The following KANSL1L variants were observed in gnomAD, a reference collection of about 807,000 sequenced individuals.
The protein encoded by KANSL1L is KAT8 regulatory NSL complex subunit 1-like protein.
In KANSL1L, 25 loss-of-function variants were observed where a neutral mutation model predicts 108.6. The observed-to-expected ratio is 0.23, with a 90% CI of 0.17 to 0.32. KANSL1L has a LOEUF of 0.32. Among genes scored for constraint, KANSL1L ranks in the 10% least tolerant of loss-of-function variants. KANSL1L has a pLI of 1.00. For missense variants in KANSL1L, 1,137 were observed against 1,125.7 expected (o/e 1.01, Z -0.14); for synonymous variants, 405 against 395.1 (o/e 1.03, Z -0.30).
At chr2:210,090,953 A>G (rs2094688346) in intron 5 of KANSL1L, among the ~76,000 whole-genome samples, 1 of 152,212 alleles carries the variant, frequency 6.6e-6, no homozygotes, top group Non-Finnish European at 1.5e-5. Context: ...CTCAGTGTGT[A>G]CCTCAAAATT....
At chr2:210,054,395 A>G (rs2094327089) in intron 6 of KANSL1L, among the ~76,000 whole-genome samples, 1 of 152,078 alleles carries the variant, frequency 6.6e-6, no homozygotes, top group African/African-American at 2.4e-5. Flanking sequence ...AAAAAGCCCA[A>G]AATTTTAATA....
At chr2:210,134,793 G>A (rs1193332721) in intron 2 of KANSL1L, among the ~76,000 whole-genome samples, 1 of 152,082 alleles carries the variant, frequency 6.6e-6, no homozygotes, top group East Asian at 1.9e-4. Flanking sequence ...CCTACATTTC[G>A]GAGGGAACTC....
At chr2:210,046,786 C>T (rs1372249764) in intron 6 of KANSL1L, among the ~76,000 whole-genome samples, 1 of 152,136 alleles carries the variant, frequency 6.6e-6, no homozygotes, top group East Asian at 1.9e-4. Context: ...GGCTTTGCCA[C>T]ACATAGCCTA....
chr2:210,030,944 TTAGG>T (rs2094007872), intron 9 of KANSL1L: 1 of 152,152 alleles, frequency 6.6e-6, no homozygotes. Flanking sequence ...ATTTTATATC[TTAGG>T]TAATGTATAC....
chr2:210,137,283 T>C (rs2095182268), intron 2 of KANSL1L, among the ~76,000 whole-genome samples: 1 of 152,192 alleles, frequency 6.6e-6, no homozygotes. Flanking sequence ...CAGGAGGATA[T>C]TTCTATAGGA....
intron 1 of KANSL1L, among the ~76,000 whole-genome samples, chr2:210,168,158 T>C (rs2125693349): frequency 6.6e-6 from 1 of 152,190 alleles, no homozygotes; most frequent in African/African-American, 2.4e-5. Flanking sequence ...TTAAAATTAG[T>C]AAATTAGTTG....
intron 6 of KANSL1L, among the ~76,000 whole-genome samples, chr2:210,072,682 C>T (rs1467390174): frequency 6.6e-6 from 1 of 152,000 alleles, no homozygotes; most frequent in Non-Finnish European, 1.5e-5. Context: ...ACTGATCTGA[C>T]AGGAGGCAGA....
intron 6 of KANSL1L, among the ~76,000 whole-genome samples, chr2:210,074,343 A>C (rs1198854444): frequency 6.6e-6 from 1 of 152,142 alleles, no homozygotes; most frequent in African/African-American, 2.4e-5. Flanking sequence ...ACCCTGAAAT[A>C]TACTGTCTTT....
intron 5 of KANSL1L, among the ~76,000 whole-genome samples, chr2:210,094,243 A>G (rs2094716926): frequency 6.6e-6 from 1 of 152,166 alleles, no homozygotes; most frequent in African/African-American, 2.4e-5. Context: ...TTTGAAAAAT[A>G]CTTATGAGTT....
chr2:210,127,574 G>A (rs1206827657), intron 3 of KANSL1L, among the ~76,000 whole-genome samples: 1 of 151,840 alleles, frequency 6.6e-6, no homozygotes, highest in African/African-American at 2.4e-5. Context: ...CAAGATCAGG[G>A]GATCATTTAA....
chr2:210,128,734 G>T (rs1242856754), intron 3 of KANSL1L, among the ~76,000 whole-genome samples: 1 of 152,088 alleles, frequency 6.6e-6, no homozygotes, highest in Non-Finnish European at 1.5e-5. Context: ...AAATGGTTAA[G>T]ATGTTAAGGT....
In KANSL1L at chr2:210,074,197, C is replaced by G. The variant is rs2094526833; in HGVS notation, c.1755+1355G>C. Among the ~76,000 whole-genome samples, 4 of 152,076 alleles carry G rather than the reference C, an allele frequency of 2.6e-5. No individual in the cohort carries two copies. The South Asian group carries it at 8.3e-4, about 32-fold the overall frequency. ...GCTGAGGGTAACAGAATTTGCTATT[C>G]TCCATCACTTTTTTCATCTTTGTTC... On this transcript the variant is annotated intron_variant, in intron 6 of 14. Coordinates refer to ENST00000281772, the MANE Select transcript of KANSL1L (RefSeq NM_152519.4).
intron 5 of KANSL1L, among the ~76,000 whole-genome samples, chr2:210,081,078 G>C (rs2094586028): frequency 6.6e-6 from 1 of 152,060 alleles, no homozygotes; most frequent in Admixed American, 6.6e-5. Flanking sequence ...CTGCACTCCA[G>C]CCTGGGCAAC....
At chr2:210,055,096 G>C (rs761133699) in intron 6 of KANSL1L, among the ~76,000 whole-genome samples, 9 of 152,130 alleles carry the variant, frequency 5.9e-5, no homozygotes, top group Non-Finnish European at 1.0e-4. Context: ...GGAGGTAATT[G>C]AATCATAGGG....
intron 2 of KANSL1L, among the ~76,000 whole-genome samples, chr2:210,149,641 G>C (rs1286917193): frequency 6.6e-6 from 1 of 151,692 alleles, no homozygotes; most frequent in Non-Finnish European, 1.5e-5. Context: ...TGTATTTAAT[G>C]ACCTAAGATA....
intron 6 of KANSL1L, among the ~76,000 whole-genome samples, chr2:210,052,537 A>G (rs757700268): frequency 6.6e-6 from 1 of 152,156 alleles, no homozygotes; most frequent in African/African-American, 2.4e-5. Context: ...CCTCACTTCA[A>G]TCAAGTCTCT....
intron 2 of KANSL1L, among the ~76,000 whole-genome samples, chr2:210,139,381 A>G (rs1188930827): frequency 6.6e-6 from 1 of 152,216 alleles, no homozygotes; most frequent in African/African-American, 2.4e-5. Flanking sequence ...GAGTGCAGGT[A>G]TCAACTCAAC....
At chr2:210,038,491 G>T (rs1388475597) in intron 8 of KANSL1L, among the ~76,000 whole-genome samples, 1 of 151,934 alleles carries the variant, frequency 6.6e-6, no homozygotes, top group African/African-American at 2.4e-5. Context: ...CATTAATGTT[G>T]CAGGCAAAAG....
chr2:210,078,474 AT>A (rs1408034399), intron 5 of KANSL1L, among the ~76,000 whole-genome samples: 2 of 152,368 alleles, frequency 1.3e-5, no homozygotes, highest in Non-Finnish European at 2.9e-5. Flanking sequence ...CTTGCAAAGT[AT>A]CATCAACATC....
Sources: allele counts gnomAD v4.1 joint callset (sites outside exome capture counted in the v4.1 genomes callset), GRCh38; gene constraint gnomAD v4.1.1; transcripts MANE v1.5; gene names NCBI Gene and HGNC (gene_info 2026-07-23, HGNC 2026-07-21).